The following FGF5 variants were observed in gnomAD, a reference collection of about 807,000 sequenced individuals.
FGF5 encodes the protein fibroblast growth factor 5, also known as heparin-binding growth factor 5.
Under a neutral mutation model 21.8 loss-of-function variants are expected in FGF5, and 23 were observed. That is an observed-to-expected ratio of 1.05 (90% CI 0.76 to 1.49). The LOEUF (loss-of-function observed/expected upper bound fraction) is 1.49. Among genes scored for constraint, FGF5 ranks in the 40% most tolerant of loss-of-function variants. FGF5 has a pLI of 0.00. For missense variants in FGF5, 352 were observed against 332.9 expected (o/e 1.06, Z -0.45); for synonymous variants, 158 against 124.0 (o/e 1.27, Z -1.82).
At chr4:80,284,512 C>A (rs776752611) in intron 2 of FGF5, among the ~76,000 whole-genome samples, 1 of 152,134 alleles carries the variant, frequency 6.6e-6, no homozygotes, top group Non-Finnish European at 1.5e-5. Flanking sequence ...TCAGCCTGCT[C>A]GAGATCATAT....
At chr4:80,282,649 A>G (rs1220204439) in intron 2 of FGF5, among the ~76,000 whole-genome samples, 1 of 152,146 alleles carries the variant, frequency 6.6e-6, no homozygotes, top group Non-Finnish European at 1.5e-5. Context: ...TATTTAAACA[A>G]TTGCTTTCAT....
rs1720864810 is a variant in FGF5, at chr4:80,290,365, C to T, written c.*3693C>T. The T allele has an allele frequency of 6.6e-6, 1 of 151,980 alleles. No individual in the cohort carries two copies. The highest frequency in any genetic ancestry group is 2.4e-5 in the African/African-American group (1 of 41,378). 9.4% of individuals were successfully genotyped at this position (151,980 alleles called of 1,614,324 possible). On this transcript the variant is annotated 3_prime_UTR_variant, in exon 3 of 3. Coordinates refer to ENST00000312465, the MANE Select transcript of FGF5 (RefSeq NM_004464.4). The stretch of plus-strand genomic sequence containing the variant: ...TTTTTTTGTAGTCAATCCAACTGTA[C>T]TGGCCAATTTTTGAAATAAGATTAT...
chr4:80,287,150 T>G lies in FGF5; in HGVS notation c.*478T>G, dbSNP rs1246284239. The stretch of plus-strand genomic sequence containing the variant: ...TATTTTCTTACTTTTATTATTTTAA[T>G]TAATATGACATAAGCAATCATTTTA... On this transcript the variant is annotated 3_prime_UTR_variant, in exon 3 of 3. Coordinates refer to ENST00000312465, the MANE Select transcript of FGF5 (RefSeq NM_004464.4). The G allele has an allele frequency of 6.5e-6, 1 of 153,596 alleles. No individual in the cohort carries two copies. Among genetic ancestry groups the G allele is most frequent in the Non-Finnish European group, 1.5e-5 (1 of 68,826 alleles). The allele number at this position is 153,596 out of a possible 1,614,324, so 9.5% of individuals were successfully genotyped here.
chr4:80,280,005 A>G (rs1720510703), intron 2 of FGF5, among the ~76,000 whole-genome samples: 1 of 152,204 alleles, frequency 6.6e-6, no homozygotes, highest in South Asian at 2.1e-4. Context: ...CCTGCGCTGC[A>G]GGCAGAGTGA....
At chr4:80,272,022 C>T (rs1441094356) in intron 1 of FGF5, among the ~76,000 whole-genome samples, 1 of 152,118 alleles carries the variant, frequency 6.6e-6, no homozygotes, top group African/African-American at 2.4e-5. Context: ...GAAAACAAGG[C>T]ATTGTGAAAT....
intron 2 of FGF5, among the ~76,000 whole-genome samples, chr4:80,279,089 C>A (rs1179408638): frequency 6.6e-6 from 1 of 152,132 alleles, no homozygotes; most frequent in African/African-American, 2.4e-5. Flanking sequence ...CCTAGAGAGC[C>A]TTTCTGGATT....
intron 1 of FGF5, among the ~76,000 whole-genome samples, chr4:80,274,533 T>C (rs928501865): frequency 2.0e-5 from 3 of 152,074 alleles, no homozygotes; most frequent in African/African-American, 4.8e-5. Context: ...ATGTTCAAAG[T>C]AGTGTATTAT....
intron 2 of FGF5, among the ~76,000 whole-genome samples, chr4:80,282,064 G>A (rs1169060575): frequency 6.6e-6 from 1 of 152,090 alleles, no homozygotes; most frequent in East Asian, 1.9e-4. Flanking sequence ...CTGGGTTCAA[G>A]CGATTCTCCT....
chr4:80,284,172 C>A (rs561067889), intron 2 of FGF5, among the ~76,000 whole-genome samples: 1 of 152,282 alleles, frequency 6.6e-6, no homozygotes, highest in South Asian at 2.1e-4. Context: ...CGGTGGCTCA[C>A]ACCTGAATCC....
In FGF5 at chr4:80,266,943, A is replaced by G. The variant is rs1376361514; in HGVS notation, c.119A>G (p.Asn40Ser). ...CCCGGACCCGCTGCCACTGATAGGAACCCTAGAGGCTCCAGCAGCAGACAG... is the reference window on the plus strand; with the variant it reads ...CCCGGACCCGCTGCCACTGATAGGAGCCCTAGAGGCTCCAGCAGCAGACAG... The part of the protein sequence containing the change: ...GQPGPAATDR[N>S]PRGSSSRQSS... The change falls in exon 1 of 3, where the codon AAC becomes AGC. Residue 40 changes from asparagine (N) to serine (S), a missense_variant. Physicochemically the swap from Asn to Ser is conservative, Grantham distance 46. Coordinates refer to ENST00000312465, the MANE Select transcript of FGF5 (RefSeq NM_004464.4). The G allele has an allele frequency of 1.2e-6, 2 of 1,614,062 alleles. No homozygotes were observed. The highest frequency in any genetic ancestry group is 1.7e-6 in the Non-Finnish European group (2 of 1,180,010).
At position 80,286,878 on chromosome 4, in the gene FGF5, A is replaced by G. The variant is rs1720749914; in HGVS notation, c.*206A>G. 1.9e-6 allele frequency: 1 copy of G among 521,814 alleles called. No homozygotes were observed. Among genetic ancestry groups the G allele is most frequent in the Non-Finnish European group, 3.4e-6 (1 of 294,738 alleles). 32.3% of individuals were successfully genotyped at this position (521,814 alleles called of 1,614,324 possible). ...TTCTTTGTACTAATACAGGGAGCAC[A>G]CTCCTTCAGTTCAGCAAGACATAAA... On this transcript the variant is annotated 3_prime_UTR_variant, in exon 3 of 3. Transcript: ENST00000312465.
chr4:80,279,369 T>G (rs1720493974), intron 2 of FGF5, among the ~76,000 whole-genome samples: 1 of 152,224 alleles, frequency 6.6e-6, no homozygotes, highest in South Asian at 2.1e-4. Flanking sequence ...TAAACAGATT[T>G]TCCTGAATTT....
chr4:80,279,418 T>G (rs534058000), intron 2 of FGF5, among the ~76,000 whole-genome samples: 1 of 152,212 alleles, frequency 6.6e-6, no homozygotes, highest in African/African-American at 2.4e-5. Context: ...AATCTTTTTC[T>G]TTCTGATTTT....
At chr4:80,281,192 G>A (rs35940490) in intron 2 of FGF5, among the ~76,000 whole-genome samples, 7 of 152,190 alleles carry the variant, frequency 4.6e-5, no homozygotes, top group Non-Finnish European at 1.0e-4. Context: ...CCCTCTGGGT[G>A]CTTGCTATCC....
rs35626275 is a variant in FGF5, at chr4:80,267,031, C to T, written c.207C>T (p.Ser69=). 4.3e-4 allele frequency: 687 copies of T among 1,614,256 alleles called. No individual in the cohort carries two copies. The highest frequency in any genetic ancestry group is 5.3e-4 in the Non-Finnish European group (631 of 1,180,042). ...CCTCCCCCGCAGCTTCTCTGGGCAG[C>T]CAAGGAAGTGGCTTGGAGCAGAGCA... The part of the protein sequence containing the change: ...ASSSPAASLG[S]QGSGLEQSSF... Residue 69 remains serine, a synonymous_variant, in exon 1 of 3, where the codon AGC becomes AGT. Coordinates refer to ENST00000312465, the MANE Select transcript of FGF5 (RefSeq NM_004464.4).
intron 2 of FGF5, among the ~76,000 whole-genome samples, chr4:80,284,832 C>T (rs1185091820): frequency 6.6e-6 from 1 of 151,928 alleles, no homozygotes; most frequent in South Asian, 2.1e-4. Context: ...TTAGAAAAAA[C>T]AAGGAAAAAA....
At chr4:80,278,792 T>C (rs916133385) in intron 2 of FGF5, among the ~76,000 whole-genome samples, 3 of 152,202 alleles carry the variant, frequency 2.0e-5, no homozygotes, top group Non-Finnish European at 4.4e-5. Context: ...ACTCTAAATA[T>C]GCAGTGCAAC....
At chr4:80,281,162 T>C (rs1425217197) in intron 2 of FGF5, among the ~76,000 whole-genome samples, 1 of 152,008 alleles carries the variant, frequency 6.6e-6, no homozygotes. Context: ...ACAGCTTATA[T>C]AGTAAAGAGT....
rs1301413714 is a variant in FGF5, at chr4:80,287,301, T to C, written c.*629T>C. The C allele has an allele frequency of 6.6e-6, 1 of 152,192 alleles. No homozygotes were observed. The highest frequency in any genetic ancestry group is 1.5e-5 in the Non-Finnish European group (1 of 68,036). 9.4% of individuals were successfully genotyped at this position (152,192 alleles called of 1,614,324 possible). ...GCCATACCTCAGATAATATGTTTAGTTTTACATTTTAAAATGTTTAAATTC... is the reference window on the plus strand; with the variant it reads ...GCCATACCTCAGATAATATGTTTAGCTTTACATTTTAAAATGTTTAAATTC... On this transcript the variant is annotated 3_prime_UTR_variant, in exon 3 of 3. Coordinates refer to ENST00000312465, the MANE Select transcript of FGF5 (RefSeq NM_004464.4).
Sources: gnomAD v4.1 joint callset for allele counts (sites outside exome capture counted in the v4.1 genomes callset) on GRCh38, gnomAD v4.1.1 for gene constraint, MANE v1.5 for transcripts, NCBI Gene and HGNC (gene_info 2026-07-23, HGNC 2026-07-21) for gene names.